Variants in VWA8 observed in about 807,000 individuals in gnomAD.
VWA8 encodes the protein von Willebrand factor A domain containing 8.
VWA8 carries 221 observed loss-of-function variants against 241.5 expected under a neutral mutation model. The ratio of observed to expected loss-of-function variants is 0.91; its 90% CI spans 0.82 to 1.02. The LOEUF (loss-of-function observed/expected upper bound fraction) is 1.02. Among genes scored for constraint, VWA8 ranks in the 50% least tolerant of loss-of-function variants. VWA8 has a pLI of 0.00. For missense variants in VWA8, 2,322 were observed against 2,328.7 expected (o/e 1.00, Z 0.06); for synonymous variants, 852 against 827.1 (o/e 1.03, Z -0.52).
At chr13:41,845,110 A>T (rs1372814022) in intron 12 of VWA8, among the ~76,000 whole-genome samples, 3 of 152,302 alleles carry the variant, frequency 2.0e-5, no homozygotes, top group Admixed American at 2.0e-4. Context: ...AGCAAAAAGA[A>T]CAAAGCCAGA....
intron 35 of VWA8, among the ~76,000 whole-genome samples, chr13:41,680,919 A>G (rs2045094169): frequency 6.6e-6 from 1 of 152,358 alleles, no homozygotes; most frequent in Admixed American, 6.5e-5. Flanking sequence ...ATCAGTATGG[A>G]TGATGACAAA....
At chr13:41,722,443 A>C (rs1336317314) in intron 24 of VWA8, among the ~76,000 whole-genome samples, 3 of 152,176 alleles carry the variant, frequency 2.0e-5, no homozygotes. Flanking sequence ...ATAAGATCTT[A>C]CTTTGATTTA....
At chr13:41,816,569 G>T in intron 16 of VWA8, 129 bp downstream of exon 16, 2 of 770,798 alleles carry the variant, frequency 2.6e-6, no homozygotes, top group South Asian at 1.9e-5. Context: ...TAGAACAAAG[G>T]CATAGCATAA....
chr13:41,919,915 C>T (rs1366617415), intron 2 of VWA8, among the ~76,000 whole-genome samples: 1 of 152,156 alleles, frequency 6.6e-6, no homozygotes, highest in Non-Finnish European at 1.5e-5. Context: ...GAATCACAGC[C>T]TTGGATGAGC....
chr13:41,647,880 TCAGGAGGCTGAAG>T (rs1260287156), intron 37 of VWA8, among the ~76,000 whole-genome samples: 2 of 151,948 alleles, frequency 1.3e-5, no homozygotes, highest in Non-Finnish European at 2.9e-5. Context: ...TCCCAGCTAC[TCAGGAGGCTGAAG>T]CAGGAGAATC....
At chr13:41,717,230 G>A (rs1239101110) in intron 26 of VWA8, among the ~76,000 whole-genome samples, 1 of 151,812 alleles carries the variant, frequency 6.6e-6, no homozygotes, top group African/African-American at 2.4e-5. Flanking sequence ...TCCTGATTTA[G>A]ATGGTAAATC....
In VWA8 at chr13:41,878,609, T is replaced by C. The variant is rs571383837; in HGVS notation, c.1080+4778A>G. On this transcript the variant is annotated intron_variant, in intron 9 of 44. Transcript: ENST00000379310. ...GTCCATTAACTAGCTCTTCACATAA[T>C]TAAGGTGAGAAGACAGCCATACTTT... Among the ~76,000 whole-genome samples the C allele has an allele frequency of 2.6e-4, 40 of 152,298 alleles. 2 individuals carry two copies. The highest frequency in any genetic ancestry group is 2.1e-3 in the Admixed American group (32 of 15,302).
Position 41,587,528 on chromosome 13 carries a change from T to C in VWA8, c.5255A>G (p.Tyr1752Cys), listed in dbSNP as rs750476980. Residue 1752 changes from tyrosine (Y) to cysteine (C), a missense_variant, in exon 42 of 45, where the codon TAT becomes TGT. By Grantham distance (194) the Tyr-to-Cys change is radical (BLOSUM62 -2). Coordinates refer to ENST00000379310, the MANE Select transcript of VWA8 (RefSeq NM_015058.2). ...VCMVMEAFEN[Y>C]EEKFQYDIVG... ...TGTCATTACCTGGAACTTCTCCTCA[T>C]AGTTCTCGAAGGCTTCCATGACCAT... is the stretch of plus-strand genomic sequence containing the variant. The C allele has an allele frequency of 4.8e-5, 77 of 1,614,042 alleles. No homozygotes were observed. The highest frequency in any genetic ancestry group is 3.6e-5 in the Non-Finnish European group (43 of 1,180,034).
chr13:41,739,840 TTTTTTTTG>T (rs1566436388), intron 21 of VWA8, among the ~76,000 whole-genome samples: 26 of 53,132 alleles, frequency 4.9e-4, no homozygotes, highest in African/African-American at 1.5e-3. Flanking sequence ...TTTTTTTTTG[TTTTTTTTG>T]TTTTTTTTGT....
At chr13:41,852,536 A>G (rs1370107269) in intron 12 of VWA8, among the ~76,000 whole-genome samples, 1 of 152,084 alleles carries the variant, frequency 6.6e-6, no homozygotes, top group African/African-American at 2.4e-5. Context: ...TGTTACCCAG[A>G]CCAATATCTG....
chr13:41,583,662 A>C (rs985986569), intron 42 of VWA8, among the ~76,000 whole-genome samples: 15 of 149,546 alleles, frequency 1.0e-4, no homozygotes, highest in Middle Eastern at 3.4e-3. Context: ...AAAAAAAAAA[A>C]CAAACAAAAA....
intron 2 of VWA8, among the ~76,000 whole-genome samples, chr13:41,923,333 T>C (rs1876654337): frequency 6.6e-6 from 1 of 151,966 alleles, no homozygotes; most frequent in South Asian, 2.1e-4. Context: ...ATATCTAATG[T>C]AAATGATGAG....
chr13:41,866,400 T>G (rs1414530524), intron 10 of VWA8, among the ~76,000 whole-genome samples: 2 of 151,032 alleles, frequency 1.3e-5, no homozygotes, highest in Non-Finnish European at 3.0e-5. Context: ...CGCGTGTGTG[T>G]GTGTATATGT....
intron 21 of VWA8, 79 bp from the exon 22 acceptor site, chr13:41,732,234 G>T: frequency 7.4e-7 from 1 of 1,346,242 alleles, no homozygotes; most frequent in Non-Finnish European, 1.0e-6. Context: ...CAGCACAGGT[G>T]CATTTTTTAA....
chr13:41,629,149 A>G (rs1435742444), intron 37 of VWA8, among the ~76,000 whole-genome samples: 1 of 152,098 alleles, frequency 6.6e-6, no homozygotes, highest in African/African-American at 2.4e-5. Flanking sequence ...AAAACTACCT[A>G]CTATGCAATC....
At chr13:41,945,909 A>G (rs2138158216) in intron 2 of VWA8, among the ~76,000 whole-genome samples, 1 of 152,248 alleles carries the variant, frequency 6.6e-6, no homozygotes, top group Non-Finnish European at 1.5e-5. Context: ...TCCACATCCC[A>G]TCCAAGAAGC....
chr13:41,819,209 T>C lies in VWA8; in HGVS notation c.1869+9A>G. Reference sequence around the variant, plus strand: ...TAAGAAAATAGACTAAGATTGGCTTTCTTCTTACCTTTTCCTTAATCACTT... The same window carrying C: ...TAAGAAAATAGACTAAGATTGGCTTCCTTCTTACCTTTTCCTTAATCACTT... On this transcript the variant is annotated intron_variant, in intron 15 of 44. Coordinates refer to ENST00000379310, the MANE Select transcript of VWA8 (RefSeq NM_015058.2). 1 of 1,592,778 alleles carries C rather than the reference T, an allele frequency of 6.3e-7. No homozygotes were observed. The highest frequency in any genetic ancestry group is 1.4e-5 in the African/African-American group (1 of 73,432).
chr13:41,686,365 T>C (rs745655457), intron 34 of VWA8, among the ~76,000 whole-genome samples: 8 of 152,130 alleles, frequency 5.3e-5, no homozygotes, highest in Non-Finnish European at 1.0e-4. Context: ...ATTTTAGCCA[T>C]TCTAACGGGT....
chr13:41,700,484 G>A (rs757105569), intron 28 of VWA8, among the ~76,000 whole-genome samples: 18 of 152,052 alleles, frequency 1.2e-4, no homozygotes, highest in Non-Finnish European at 1.8e-4. Flanking sequence ...CTTTCATAAT[G>A]CTTCCATTAT....
Sources: gnomAD v4.1 joint callset for allele counts (sites outside exome capture counted in the v4.1 genomes callset) on GRCh38, gnomAD v4.1.1 for gene constraint, MANE v1.5 for transcripts, NCBI Gene and HGNC (gene_info 2026-07-23, HGNC 2026-07-21) for gene names.